The following TMEM132B variants were observed in gnomAD, a reference collection of about 807,000 sequenced individuals.
TMEM132B encodes the protein transmembrane protein 132B.
TMEM132B carries 18 observed loss-of-function variants against 90.8 expected under a neutral mutation model. That is an observed-to-expected ratio of 0.20 (90% confidence interval 0.14 to 0.29). The LOEUF is 0.29. TMEM132B is among the 10% of genes least tolerant of loss of function. The pLI is 1.00. For synonymous variants in TMEM132B, 504 were observed against 523.3 expected (o/e 0.96, Z 0.50); for missense variants, 1,096 against 1,326.8 (o/e 0.83, Z 2.70).
chr12:125,640,256 G>T (rs1454725649), intron 5 of TMEM132B, among the ~76,000 whole-genome samples: 2 of 152,258 alleles, frequency 1.3e-5, no homozygotes, highest in African/African-American at 4.8e-5. Flanking sequence ...TAATGATGGA[G>T]GTAGGGAGGC....
chr12:125,400,862 A>C (rs1879299707), intron 2 of TMEM132B, among the ~76,000 whole-genome samples: 1 of 152,174 alleles, frequency 6.6e-6, no homozygotes, highest in Non-Finnish European at 1.5e-5. Flanking sequence ...GCTCGACAGA[A>C]TGTGATGTCT....
intron 1 of TMEM132B, among the ~76,000 whole-genome samples, chr12:125,332,452 ATCT>A: frequency 6.6e-6 from 1 of 152,138 alleles, no homozygotes; most frequent in Admixed American, 6.5e-5. Flanking sequence ...GACTTCTGTC[ATCT>A]TCTCTCAATT....
At chr12:125,652,405 A>G (rs1480437115) in intron 7 of TMEM132B, 36 bp from the exon 8 acceptor site, 44 of 1,535,300 alleles carry the variant, frequency 2.9e-5, no homozygotes, top group Non-Finnish European at 3.6e-5. Context: ...GCTCATGAGG[A>G]GCAGAGATGC....
At chr12:125,270,022 C>T (rs934971359) in intron 1 of TMEM132B, among the ~76,000 whole-genome samples, 4 of 151,556 alleles carry the variant, frequency 2.6e-5, no homozygotes, top group African/African-American at 7.3e-5. Context: ...GAACATGACC[C>T]TGTCTCTTAA....
At chr12:125,589,182 G>A (rs1289601873) in intron 5 of TMEM132B, among the ~76,000 whole-genome samples, 1 of 152,022 alleles carries the variant, frequency 6.6e-6, no homozygotes, top group Non-Finnish European at 1.5e-5. Flanking sequence ...TTCTCACATT[G>A]CTATAAAGAA....
At chr12:125,405,747 C>G (rs777185535) in intron 2 of TMEM132B, among the ~76,000 whole-genome samples, 1 of 152,282 alleles carries the variant, frequency 6.6e-6, no homozygotes, top group South Asian at 2.1e-4. Context: ...ATAATGAGAC[C>G]TACTCATAGT....
At chr12:125,474,056 T>TTTTCCTTTCCTTCCCTTTCC (rs1881795245) in intron 3 of TMEM132B, among the ~76,000 whole-genome samples, 1 of 129,402 alleles carries the variant, frequency 7.7e-6, no homozygotes, top group African/African-American at 3.1e-5. Context: ...CCTTCTTTCT[T>TTTTCCTTTCCTTCCCTTTCC]TTTCCTTTCC....
In TMEM132B at chr12:125,325,668, CCTGTGTGTGTGTGTGTGTGT is replaced by C. The variant is rs1259370432; in HGVS notation, c.68-23783_68-23764del. Among the ~76,000 whole-genome samples, 11 of 139,470 alleles carry C rather than the reference CCTGTGTGTGTGTGTGTGTGT, an allele frequency of 7.9e-5. No homozygotes were observed. The East Asian group carries it at 1.1e-3, about 13-fold the overall frequency. The allele number at this position is 139,470 out of a possible 152,430, so 91.5% of individuals were successfully genotyped here. A position where few individuals can be genotyped will look rare whatever the true frequency, so the allele number is the denominator to read the frequency against. ...CTTGCATTCTTTCCCTGCCTCCCACCCTGTGTGTGTGTGTGTGTGTGTGTGTGTGTGTGTGTGTGTGTGTG... is the reference window on the plus strand; with the variant it reads ...CTTGCATTCTTTCCCTGCCTCCCACCGTGTGTGTGTGTGTGTGTGTGTGTG... On this transcript the variant is annotated intron_variant, in intron 1 of 8. Coordinates refer to ENST00000682704, the MANE Select transcript of TMEM132B (RefSeq NM_001366854.1).
intron 4 of TMEM132B, among the ~76,000 whole-genome samples, chr12:125,552,468 G>T (rs1026490489): frequency 3.9e-5 from 6 of 152,202 alleles, no homozygotes; most frequent in African/African-American, 1.4e-4. Context: ...GGGGCACCAT[G>T]ATTTGGAGCT....
intron 1 of TMEM132B, among the ~76,000 whole-genome samples, chr12:125,280,926 A>T (rs1351449591): frequency 2.6e-5 from 4 of 152,156 alleles, no homozygotes; most frequent in African/African-American, 7.2e-5. Flanking sequence ...GAAGTGAGAA[A>T]ACGGGGGGCT....
rs545602812 is a variant in TMEM132B at position 125,418,085 on chromosome 12, C to T, written c.1106+2408C>T. On this transcript the variant is annotated intron_variant, in intron 3 of 8. Coordinates refer to ENST00000682704, the MANE Select transcript of TMEM132B (RefSeq NM_001366854.1). The stretch of plus-strand genomic sequence containing the variant: ...AAATGGGATTTTCTGGCCCCTTGCC[C>T]TCAGAAATCACTGTCTGGGTACAGA... 3.9e-5 allele frequency among the ~76,000 whole-genome samples: 6 copies of T among 152,234 alleles called. No homozygotes were observed. The South Asian group carries it at 1.2e-3, about 32-fold the overall frequency.
intron 4 of TMEM132B, among the ~76,000 whole-genome samples, chr12:125,536,902 C>T (rs1015873680): frequency 2.6e-5 from 4 of 152,024 alleles, no homozygotes; most frequent in African/African-American, 9.6e-5. Context: ...CATGCCATAC[C>T]TTTAAAACCA....
chr12:125,375,020 A>G (rs1878432463), intron 2 of TMEM132B, among the ~76,000 whole-genome samples: 1 of 152,222 alleles, frequency 6.6e-6, no homozygotes, highest in African/African-American at 2.4e-5. Flanking sequence ...AGAACTGCAG[A>G]CCAAGATACA....
chr12:125,638,136 A>C (rs1886534667), intron 5 of TMEM132B, among the ~76,000 whole-genome samples: 1 of 152,180 alleles, frequency 6.6e-6, no homozygotes, highest in Non-Finnish European at 1.5e-5. Context: ...CACAGTGCTG[A>C]GGAGGCCTCT....
At chr12:125,583,539 G>A (rs1885105002) in intron 4 of TMEM132B, among the ~76,000 whole-genome samples, 1 of 152,188 alleles carries the variant, frequency 6.6e-6, no homozygotes, top group Non-Finnish European at 1.5e-5. Context: ...CGTGTGCTAT[G>A]TGTGAGTCTG....
chr12:125,435,901 G>C (rs537738325), intron 3 of TMEM132B, among the ~76,000 whole-genome samples: 12 of 152,024 alleles, frequency 7.9e-5, no homozygotes, highest in East Asian at 1.9e-4. Flanking sequence ...TGTGGAGCTA[G>C]AGCAGATGGA....
intron 1 of TMEM132B, among the ~76,000 whole-genome samples, chr12:125,255,760 A>G (rs544642542): frequency 6.6e-5 from 10 of 152,196 alleles, no homozygotes; most frequent in African/African-American, 2.2e-4. Flanking sequence ...GTGAAATGAG[A>G]TGTTCTCGAG....
chr12:125,644,401 G>C (rs1388388158), intron 6 of TMEM132B, 120 bp downstream of exon 6: 1 of 1,116,356 alleles, frequency 9.0e-7, no homozygotes, highest in East Asian at 2.6e-5. Flanking sequence ...CGGGAAGCGT[G>C]GTCTGGGCTT....
At chr12:125,625,425 G>A (rs181836585) in intron 5 of TMEM132B, among the ~76,000 whole-genome samples, 4 of 152,216 alleles carry the variant, frequency 2.6e-5, no homozygotes, top group African/African-American at 7.2e-5. Context: ...GAGCCACCGC[G>A]CCCGGTCAGA....
Sources: allele counts gnomAD v4.1 joint callset (sites outside exome capture counted in the v4.1 genomes callset), GRCh38; gene constraint gnomAD v4.1.1; transcripts MANE v1.5; gene names NCBI Gene and HGNC (gene_info 2026-07-23, HGNC 2026-07-21).